ARSL: variants seen among roughly 807,000 people sequenced by gnomAD.
The protein encoded by ARSL is arylsulfatase E (chondrodysplasia punctata 1).
ARSL carries 4 observed loss-of-function variants against 31.1 expected under a neutral mutation model. The observed-to-expected ratio is 0.13, with a 90% CI of 0.06 to 0.29. The LOEUF (loss-of-function observed/expected upper bound fraction) is 0.29. Among genes scored for constraint, ARSL ranks in the 10% least tolerant of loss-of-function variants. ARSL has a pLI of 1.00. For missense variants in ARSL, 312 were observed against 497.8 expected, an observed-to-expected ratio of 0.63 and a Z score of 3.55; for synonymous variants, 198 against 209.9, an observed-to-expected ratio of 0.94 and a Z score of 0.49.
intron 5 of ARSL, among the ~76,000 whole-genome samples, chrX:2,950,072 A>G (rs903612977): frequency 8.9e-6 from 1 of 111,744 alleles, no homozygotes; most frequent in African/African-American, 3.3e-5. Flanking sequence ...CTCAAATTGG[A>G]GGCTCTAGGG....
intron 2 of ARSL, 75 bp downstream of exon 2, chrX:2,960,303 A>G: frequency 1.7e-6 from 1 of 589,258 alleles, no homozygotes; most frequent in Non-Finnish European, 2.6e-6. Context: ...AAGAAGAGAA[A>G]GAAGGGAAGG....
chrX:2,962,498 C>G (rs2089651554), intron 1 of ARSL, among the ~76,000 whole-genome samples: 1 of 110,569 alleles, frequency 9.0e-6, no homozygotes, highest in South Asian at 3.9e-4. Context: ...CCAGGTGAAA[C>G]CTGACCAAGG....
chrX:2,944,473 CAAA>C (rs58863219), intron 7 of ARSL, among the ~76,000 whole-genome samples: 14 of 94,181 alleles, frequency 1.5e-4, no homozygotes, highest in South Asian at 5.0e-4. Context: ...ACAAAAAAAA[CAAA>C]AAAAAAAAAA....
At chrX:2,952,272 C>T (rs211641) in intron 5 of ARSL, among the ~76,000 whole-genome samples, 52,824 of 109,586 alleles carry the variant, frequency 0.48, 9,639 homozygotes, top group African/African-American at 0.61. Flanking sequence ...TTTATCATGG[C>T]CTACGAGAAC....
upstream of ARSL, among the ~76,000 whole-genome samples, chrX:2,966,122 C>G (rs1037929474): frequency 8.9e-6 from 1 of 112,050 alleles, no homozygotes; most frequent in African/African-American, 3.2e-5. Context: ...AGTCACATAG[C>G]CTACCTGATC....
At chrX:2,949,197 C>T (rs896136570) in intron 6 of ARSL, 107 bp downstream of exon 6, 80 of 1,030,974 alleles carry the variant, frequency 7.8e-5, no homozygotes, top group Non-Finnish European at 9.9e-5. Context: ...TCCAAAAGCA[C>T]TGGGATTACA....
At chrX:2,958,715 A>C (rs2089561454) in intron 2 of ARSL, among the ~76,000 whole-genome samples, 1 of 111,762 alleles carries the variant, frequency 8.9e-6, no homozygotes, top group Non-Finnish European at 1.9e-5. Flanking sequence ...GGTGGGGTGC[A>C]GTGGCTCTCT....
chrX:2,952,487 A>G (rs1197435643), intron 5 of ARSL, among the ~76,000 whole-genome samples: 4 of 111,311 alleles, frequency 3.6e-5, no homozygotes, highest in Non-Finnish European at 5.7e-5. Context: ...TTGTAAGGGC[A>G]CTAATCCCAC....
chrX:2,958,138 G>C (rs2089552003), intron 3 of ARSL, 136 bp downstream of exon 3: 1 of 849,264 alleles, frequency 1.2e-6, no homozygotes, highest in Non-Finnish European at 1.7e-6. Context: ...ACATTAGGGA[G>C]AGTTAGAAAA....
intron 4 of ARSL, among the ~76,000 whole-genome samples, chrX:2,954,821 G>A (rs933751088): frequency 1.8e-5 from 2 of 111,463 alleles, no homozygotes; most frequent in African/African-American, 6.5e-5. Flanking sequence ...GGCAGAGGGA[G>A]TGAGGGGAAA....
chrX:2,948,926 C>T (rs967974431), intron 6 of ARSL, among the ~76,000 whole-genome samples: 3 of 110,187 alleles, frequency 2.7e-5, no homozygotes, highest in Non-Finnish European at 5.7e-5. Context: ...TTAAAGAAAA[C>T]GACTTTTTTT....
At chrX:2,942,017 T>C (rs1382130267) in intron 8 of ARSL, among the ~76,000 whole-genome samples, 2 of 111,723 alleles carry the variant, frequency 1.8e-5, no homozygotes, top group Non-Finnish European at 3.8e-5. Flanking sequence ...CACTGACGAG[T>C]GGTGAAGTTA....
chrX:2,957,721 A>AG (rs1569109280), intron 3 of ARSL, among the ~76,000 whole-genome samples: 2 of 107,707 alleles, frequency 1.9e-5, no homozygotes, highest in East Asian at 2.9e-4. Context: ...AAAAAAAAAA[A>AG]AAAAGAAAAG....
intron 1 of ARSL, among the ~76,000 whole-genome samples, chrX:2,962,433 A>G (rs2147418920): frequency 9.0e-6 from 1 of 111,494 alleles, no homozygotes; most frequent in Non-Finnish European, 1.9e-5. Flanking sequence ...CCAGTGAGTG[A>G]GGACACACTG....
rs184241801 is a variant in ARSL at position 2,956,247 on chromosome X, C to T, written c.186-710G>A. Among the ~76,000 whole-genome samples, 66 of 111,527 alleles carry T rather than the reference C, an allele frequency of 5.9e-4. 1 individual carries two copies. The highest frequency in any genetic ancestry group is 1.5e-3 in the South Asian group (4 of 2,612). On this transcript the variant is annotated intron_variant, in intron 3 of 10. Transcript: ENST00000381134. Reference sequence around the variant, plus strand: ...GAAGGCTGGAATTCGGACAGGAGGACGGACTAGCTCTAGCTCTTGACAGAT... The same window carrying T: ...GAAGGCTGGAATTCGGACAGGAGGATGGACTAGCTCTAGCTCTTGACAGAT...
At chrX:2,960,284 AAAAAAAAAAAG>A (rs2089604219) in intron 2 of ARSL, 83 bp downstream of exon 2, 1 of 449,277 alleles carries the variant, frequency 2.2e-6, no homozygotes, top group African/African-American at 2.8e-5. Flanking sequence ...AAAAAAAAAA[AAAAAAAAAAAG>A]AAGAGAAAGA....
At position 2,946,101 on chromosome X, in the gene ARSL, G is replaced by A. The variant is rs184888777; in HGVS notation, c.888C>T (p.Ser296=). 4.7e-5 allele frequency: 57 copies of A among 1,208,475 alleles called. No individual in the cohort carries two copies. The highest frequency in any genetic ancestry group is 4.6e-4 in the Admixed American group (21 of 45,449). ...TAAGAGGGATGTGAACGTGTAGAAAGGAAACAAAGAGGAGGAAAGGCCCAT... is the reference window on the plus strand; with the variant it reads ...TAAGAGGGATGTGAACGTGTAGAAAAGAAACAAAGAGGAGGAAAGGCCCAT... The part of the protein sequence containing the change: ...NKHGPFLLFV[S]FLHVHIPLIT... The change falls in exon 7 of 11, where the codon TCC becomes TCT. Residue 296 remains serine (S), a synonymous_variant. Transcript: ENST00000381134.
At chrX:2,962,648 G>A (rs1402160425) in intron 1 of ARSL, among the ~76,000 whole-genome samples, 1 of 111,716 alleles carries the variant, frequency 9.0e-6, no homozygotes, top group Non-Finnish European at 1.9e-5. Context: ...CGGGGATGCT[G>A]GGAGGGGTGT....
chrX:2,940,573 C>T (rs781527010), intron 8 of ARSL, among the ~76,000 whole-genome samples: 3 of 110,956 alleles, frequency 2.7e-5, no homozygotes, highest in Non-Finnish European at 3.8e-5. Context: ...GATGTTAGCA[C>T]GGGGGAAAAG....
Sources: gnomAD v4.1 joint callset for allele counts (sites outside exome capture counted in the v4.1 genomes callset) on GRCh38, gnomAD v4.1.1 for gene constraint, MANE v1.5 for transcripts, NCBI Gene and HGNC (gene_info 2026-07-23, HGNC 2026-07-21) for gene names.